NAALADL2: variants seen among roughly 807,000 people sequenced by gnomAD.
NAALADL2 encodes inactive N-acetylated-alpha-linked acidic dipeptidase-like protein 2.
Under a neutral mutation model 87.2 loss-of-function variants are expected in NAALADL2, and 76 were observed. That is an observed-to-expected ratio of 0.87 (90% CI 0.72 to 1.05). The LOEUF (loss-of-function observed/expected upper bound fraction) is 1.05, where lower values mean the gene tolerates loss of function less well. NAALADL2 is among the 50% of genes least tolerant of loss of function. NAALADL2 has a pLI of 0.00. For missense variants in NAALADL2, 1,089 were observed against 945.8 expected (o/e 1.15, Z -1.99); for synonymous variants, 354 against 331.0 (o/e 1.07, Z -0.75).
intron 2 of NAALADL2, among the ~76,000 whole-genome samples, chr3:175,151,743 A>G (rs1283424494): frequency 6.6e-6 from 1 of 152,214 alleles, no homozygotes; most frequent in Non-Finnish European, 1.5e-5. Flanking sequence ...AAACCTATGT[A>G]AAAAATAGAA....
chr3:175,181,530 A>C (rs928184099), intron 2 of NAALADL2, among the ~76,000 whole-genome samples: 4 of 151,386 alleles, frequency 2.6e-5, no homozygotes, highest in Non-Finnish European at 5.9e-5. Context: ...TGAGTTTAAT[A>C]GTTTTACATT....
At position 175,224,437 on chromosome 3, in the gene NAALADL2, G is replaced by A. The variant is rs535881168; in HGVS notation, c.546-9494G>A. Among the ~76,000 whole-genome samples, 28 of 152,284 alleles carry A rather than the reference G, an allele frequency of 1.8e-4. No individual in the cohort carries two copies. In the South Asian group the frequency reaches 3.1e-3, roughly 17 times the overall value. ...AAAATGGTGCAGCTTGGACTAACAA[G>A]GGTTAGAATGTGTTAATATGTATAA... On this transcript the variant is annotated intron_variant, in intron 2 of 13. Transcript: ENST00000454872.
chr3:174,902,189 T>C (rs1732398218), intron 1 of NAALADL2, among the ~76,000 whole-genome samples: 1 of 152,200 alleles, frequency 6.6e-6, no homozygotes, highest in Non-Finnish European at 1.5e-5. Context: ...GTCCCATCTT[T>C]ATCATATCTT....
chr3:175,435,201 A>G (rs566921461), intron 5 of NAALADL2, among the ~76,000 whole-genome samples: 47 of 152,116 alleles, frequency 3.1e-4, no homozygotes, highest in South Asian at 1.5e-3. Context: ...TTTACCAGAG[A>G]AAGTCTTGTT....
intron 4 of NAALADL2, among the ~76,000 whole-genome samples, chr3:175,259,455 A>T (rs1390005374): frequency 6.6e-6 from 1 of 152,186 alleles, no homozygotes; most frequent in Admixed American, 6.5e-5. Context: ...GGACAGTCCA[A>T]CTTTTTATGT....
intron 1 of NAALADL2, among the ~76,000 whole-genome samples, chr3:174,529,205 G>A (rs1721025557): frequency 6.6e-6 from 1 of 152,258 alleles, no homozygotes; most frequent in Non-Finnish European, 1.5e-5. Context: ...CAAAACAGAG[G>A]GGCTACAGGC....
At chr3:174,536,172 T>A (rs950799392) in intron 1 of NAALADL2, among the ~76,000 whole-genome samples, 2 of 152,156 alleles carry the variant, frequency 1.3e-5, no homozygotes, top group Non-Finnish European at 2.9e-5. Flanking sequence ...TTACTGTTTT[T>A]AATAAAAACA....
intron 3 of NAALADL2, among the ~76,000 whole-genome samples, chr3:174,779,427 C>G (rs189476333): frequency 7.9e-5 from 12 of 152,202 alleles, no homozygotes; most frequent in African/African-American, 2.6e-4. Context: ...TGTAGATTGC[C>G]TATTCACTCT....
At chr3:175,596,307 A>T (rs999878877) in intron 10 of NAALADL2, among the ~76,000 whole-genome samples, 6 of 151,900 alleles carry the variant, frequency 3.9e-5, no homozygotes, top group African/African-American at 1.4e-4. Context: ...ATGGTTCCAG[A>T]TGGTGGTTTG....
intron 4 of NAALADL2, among the ~76,000 whole-genome samples, chr3:175,273,071 T>G (rs1684803351): frequency 6.6e-6 from 1 of 152,074 alleles, no homozygotes; most frequent in South Asian, 2.1e-4. Context: ...AAAATCAAGT[T>G]TATGTAATTT....
chr3:174,886,827 G>A (rs914705191), intron 1 of NAALADL2, among the ~76,000 whole-genome samples: 3 of 152,148 alleles, frequency 2.0e-5, no homozygotes, highest in Non-Finnish European at 4.4e-5. Flanking sequence ...AGCTGACACT[G>A]AGCCATGTCT....
upstream of NAALADL2, among the ~76,000 whole-genome samples, chr3:174,857,330 TTA>T (rs146051837): frequency 3.9e-4 from 60 of 152,280 alleles, no homozygotes; most frequent in African/African-American, 1.4e-3. Context: ...CAATCAGTAT[TTA>T]TGTTACTTTC....
chr3:174,554,188 C>G lies in NAALADL2; in HGVS notation c.-115+3551C>G, dbSNP rs1399977522. Among the ~76,000 whole-genome samples the G allele has an allele frequency of 3.3e-5, 5 of 151,972 alleles. No individual in the cohort carries two copies. In the East Asian group the frequency reaches 9.6e-4, roughly 29 times the overall value. On this transcript the variant is annotated intron_variant, in intron 2 of 3. Transcript: ENST00000434257. ...AAATGAAAAATTAACCATTCTTCCA[C>G]CACCCATTATGTGTACTTAGCCTTT...
chr3:175,689,765 T>G (rs1361460122), intron 11 of NAALADL2, among the ~76,000 whole-genome samples: 2 of 152,120 alleles, frequency 1.3e-5, no homozygotes, highest in Non-Finnish European at 2.9e-5. Flanking sequence ...ACTCTGGACT[T>G]CTTCAAAATG....
intron 1 of NAALADL2, among the ~76,000 whole-genome samples, chr3:175,049,605 G>T (rs1471274674): frequency 6.6e-6 from 1 of 152,190 alleles, no homozygotes; most frequent in Admixed American, 6.5e-5. Flanking sequence ...AACCTCTAAG[G>T]GTTTTGTCCA....
chr3:174,771,443 G>A (rs1395467233), intron 3 of NAALADL2, among the ~76,000 whole-genome samples: 1 of 152,144 alleles, frequency 6.6e-6, no homozygotes, highest in Non-Finnish European at 1.5e-5. Context: ...ACTGAATGAG[G>A]AAAAGATAGG....
Position 175,059,464 on chromosome 3 carries a change from C to T in NAALADL2, c.44-37326C>T, listed in dbSNP as rs1236839598. 1.6e-5 allele frequency: 3 copies of T among 190,296 alleles called. No homozygotes were observed. In the East Asian group the frequency reaches 4.3e-4, roughly 28 times the overall value. The allele number at this position is 190,296 out of a possible 1,614,324, so 11.8% of individuals were successfully genotyped here. A position where few individuals can be genotyped will look rare whatever the true frequency, so the allele number is the denominator to read the frequency against. ...CAACTTTATCATCTTCAGTTACACA[C>T]TGGATTTGAAGTTTTTAAATTACAT... On this transcript the variant is annotated intron_variant, in intron 1 of 13. Transcript: ENST00000454872.
At chr3:175,159,185 G>T (rs1358342619) in intron 2 of NAALADL2, among the ~76,000 whole-genome samples, 1 of 152,098 alleles carries the variant, frequency 6.6e-6, no homozygotes, top group East Asian at 1.9e-4. Context: ...TTTCAGACAG[G>T]CAATTAGCTA....
chr3:175,522,377 A>G (rs1732773527), intron 9 of NAALADL2, among the ~76,000 whole-genome samples: 1 of 152,170 alleles, frequency 6.6e-6, no homozygotes, highest in African/African-American at 2.4e-5. Flanking sequence ...AAAAGTTTCA[A>G]CTGCCTGGGT....
Sources: allele counts gnomAD v4.1 joint callset (sites outside exome capture counted in the v4.1 genomes callset), GRCh38; gene constraint gnomAD v4.1.1; transcripts MANE v1.5; gene names NCBI Gene and HGNC (gene_info 2026-07-23, HGNC 2026-07-21).